CXADR: variants seen among roughly 807,000 people sequenced by gnomAD.
CXADR encodes the protein CXADR cell adhesion molecule.
Under a neutral mutation model 40.3 loss-of-function variants are expected in CXADR, and 20 were observed. The observed-to-expected ratio is 0.50, with a 90% CI of 0.35 to 0.72. The LOEUF (loss-of-function observed/expected upper bound fraction) is 0.72. Ranked by LOEUF, CXADR falls within the 30% of genes least tolerant of loss-of-function variation. CXADR has a pLI of 0.01. For missense variants in CXADR, 332 were observed against 449.1 expected (o/e 0.74, Z 2.36); for synonymous variants, 150 against 161.3 (o/e 0.93, Z 0.53).
chr21:17,562,467 A>G (rs957941889), intron 6 of CXADR, among the ~76,000 whole-genome samples: 11 of 152,218 alleles, frequency 7.2e-5, no homozygotes, highest in Non-Finnish European at 5.9e-5. Flanking sequence ...GACTACAGGC[A>G]TAAGCCACCA....
intron 6 of CXADR, among the ~76,000 whole-genome samples, chr21:17,564,949 A>T (rs548257349): frequency 6.6e-6 from 1 of 152,198 alleles, no homozygotes; most frequent in Admixed American, 6.5e-5. Context: ...TGGCCAGGCT[A>T]GTCTTGAACT....
At chr21:17,616,539 G>A in the CXADR span, among the ~76,000 whole-genome samples, 1 of 152,000 alleles carries the variant, frequency 6.6e-6, no homozygotes, top group Non-Finnish European at 1.5e-5. Flanking sequence ...GTTTCACTGT[G>A]TTACCTAGGA....
chr21:17,576,044 C>T (rs1026681830), intron 7 of CXADR, among the ~76,000 whole-genome samples: 7 of 147,284 alleles, frequency 4.8e-5, no homozygotes, highest in Admixed American at 4.1e-4. Flanking sequence ...GCCGAGATCA[C>T]GCCACTGCAC....
At chr21:17,519,063 G>T in intron 1 of CXADR, 2 of 1,018,490 alleles carry the variant, frequency 2.0e-6, no homozygotes, top group Non-Finnish European at 1.5e-6. Context: ...ATGGCTGCCC[G>T]ATATGCCCCC....
At chr21:17,604,241 G>T in the CXADR span, 1 of 508,286 alleles carries the variant, frequency 2.0e-6, no homozygotes, top group Non-Finnish European at 3.1e-6. Flanking sequence ...AGGAGTTTGA[G>T]AGCAGTCTGG....
At chr21:17,582,395 T>G (rs1335496945) in intron 7 of CXADR, among the ~76,000 whole-genome samples, 1 of 152,206 alleles carries the variant, frequency 6.6e-6, no homozygotes, top group African/African-American at 2.4e-5. Flanking sequence ...ACTGTTTGTA[T>G]TTGCCCTTTT....
chr21:17,534,646 C>T (rs2060730271), intron 1 of CXADR, among the ~76,000 whole-genome samples: 1 of 152,072 alleles, frequency 6.6e-6, no homozygotes. Context: ...GACTTGCTAA[C>T]CTAGACATCT....
chr21:17,579,949 C>G (rs918274943), intron 7 of CXADR, among the ~76,000 whole-genome samples: 1 of 151,442 alleles, frequency 6.6e-6, no homozygotes, highest in Non-Finnish European at 1.5e-5. Context: ...TGCATCTAAC[C>G]TCAGGAAGAC....
the CXADR span, chr21:17,633,184 G>A: frequency 6.6e-6 from 1 of 152,148 alleles, no homozygotes; most frequent in Non-Finnish European, 1.5e-5. Context: ...TCTGACTGAG[G>A]GAATTCCTTC....
chr21:17,590,582 C>T (rs1762091122), intron 7 of CXADR, among the ~76,000 whole-genome samples: 1 of 151,954 alleles, frequency 6.6e-6, no homozygotes, highest in Non-Finnish European at 1.5e-5. Flanking sequence ...CGAGTCAATG[C>T]CATAAAGTGC....
intron 2 of CXADR, among the ~76,000 whole-genome samples, chr21:17,551,192 AAGTTCGAGACCAG>A (rs1359245635): frequency 2.0e-5 from 3 of 152,104 alleles, no homozygotes; most frequent in African/African-American, 7.2e-5. Flanking sequence ...CTGAGGTCAG[AAGTTCGAGACCAG>A]CCTGGCCAAC....
chr21:17,609,091 T>C, the CXADR span: 1 of 1,614,154 alleles, frequency 6.2e-7, no homozygotes, highest in Non-Finnish European at 8.5e-7. Context: ...ACTTATCATG[T>C]TTTCGAACTA....
At chr21:17,604,065 C>T in the CXADR span, 1 of 1,171,086 alleles carries the variant, frequency 8.5e-7, no homozygotes, top group Non-Finnish European at 1.1e-6. Context: ...ACTGATCTTT[C>T]ACAACTCTAT....
chr21:17,528,475 G>A (rs999422795), intron 1 of CXADR, among the ~76,000 whole-genome samples: 2 of 150,706 alleles, frequency 1.3e-5, no homozygotes, highest in African/African-American at 4.9e-5. Context: ...GCGCGATCTC[G>A]GCTCACCGTA....
intron 1 of CXADR, among the ~76,000 whole-genome samples, chr21:17,528,493 C>T (rs532570411): frequency 1.3e-5 from 2 of 151,910 alleles, no homozygotes; most frequent in Non-Finnish European, 2.9e-5. Flanking sequence ...GTAACCTCCA[C>T]CTCCCGGGTT....
At chr21:17,633,798 C>T in the CXADR span, among the ~76,000 whole-genome samples, 27 of 152,320 alleles carry the variant, frequency 1.8e-4, 2 homozygotes, top group Admixed American at 1.6e-3. Context: ...TATTCTTCCT[C>T]TAAAATTACC....
chr21:17,629,386 T>C, the CXADR span, among the ~76,000 whole-genome samples: 8 of 74,146 alleles, frequency 1.1e-4, no homozygotes, highest in East Asian at 3.7e-3. Flanking sequence ...AGACTGTGTC[T>C]CAAAAAAAAA....
chr21:17,518,476 C>G, intron 1 of CXADR: 1 of 760,946 alleles, frequency 1.3e-6, no homozygotes, highest in South Asian at 1.5e-5. Flanking sequence ...TTTGGAACCA[C>G]ATAGCTGATT....
chr21:17,612,096 G>A, the CXADR span: 1 of 152,396 alleles, frequency 6.6e-6, no homozygotes, highest in African/African-American at 2.4e-5. Flanking sequence ...AGGTAGGTGA[G>A]GAGGGATCAA....
Sources: allele counts gnomAD v4.1 joint callset (sites outside exome capture counted in the v4.1 genomes callset), GRCh38; gene constraint gnomAD v4.1.1; transcripts MANE v1.5; gene names NCBI Gene and HGNC (gene_info 2026-07-23, HGNC 2026-07-21).